PIP4K2A: variants seen among roughly 807,000 people sequenced by gnomAD.
The protein encoded by PIP4K2A is phosphatidylinositol-5-phosphate 4-kinase type 2 alpha, also known as phosphatidylinositol 5-phosphate 4-kinase type-2 alpha.
A neutral mutation model predicts 42.9 loss-of-function variants in PIP4K2A; 14 were observed. The ratio of observed to expected loss-of-function variants is 0.33; its 90% confidence interval spans 0.22 to 0.51. The LOEUF (loss-of-function observed/expected upper bound fraction) is 0.51. Among genes scored for constraint, PIP4K2A ranks in the 20% least tolerant of loss-of-function variants. The probability of loss-of-function intolerance (pLI) is 0.97; values close to 1 mark genes in which losing one functional copy is unlikely to be tolerated. For synonymous variants in PIP4K2A, 192 were observed against 192.2 expected, an observed-to-expected ratio of 1.00 and a Z score of 0.01; for missense variants, 434 against 519.8, an observed-to-expected ratio of 0.83 and a Z score of 1.61.
intron 1 of PIP4K2A, among the ~76,000 whole-genome samples, chr10:22,686,627 ATTAG>A (rs1258204714): frequency 6.6e-6 from 1 of 152,102 alleles, no homozygotes; most frequent in Non-Finnish European, 1.5e-5. Context: ...ACACCAACTA[ATTAG>A]TTAAAAAAAT....
intron 1 of PIP4K2A, among the ~76,000 whole-genome samples, chr10:22,614,593 C>T (rs888881885): frequency 8.5e-5 from 13 of 152,166 alleles, no homozygotes; most frequent in African/African-American, 3.1e-4. Flanking sequence ...AGAGGATCTA[C>T]TACTTAAAAG....
chr10:22,597,912 C>T (rs1036132583), intron 3 of PIP4K2A, among the ~76,000 whole-genome samples: 5 of 152,206 alleles, frequency 3.3e-5, no homozygotes, highest in African/African-American at 1.2e-4. Context: ...CCCTTATCTA[C>T]CTGTCTGTCT....
chr10:22,577,703 A>T (rs1837156927), intron 4 of PIP4K2A, among the ~76,000 whole-genome samples: 1 of 152,326 alleles, frequency 6.6e-6, no homozygotes, highest in East Asian at 1.9e-4. Context: ...CTCTCCAGTC[A>T]CACTGCGACG....
At chr10:22,550,899 G>C in intron 6 of PIP4K2A, 127 bp from the exon 7 acceptor site, 1 of 656,550 alleles carries the variant, frequency 1.5e-6, no homozygotes, top group Non-Finnish European at 2.7e-6. Flanking sequence ...ACCACCACAG[G>C]GGTCTTACCC....
At chr10:22,676,472 A>G (rs891231150) in intron 1 of PIP4K2A, among the ~76,000 whole-genome samples, 1 of 152,132 alleles carries the variant, frequency 6.6e-6, no homozygotes, top group African/African-American at 2.4e-5. Context: ...CATTTAATGT[A>G]GATATGGCCA....
chr10:22,609,084 G>A (rs1181085123), intron 2 of PIP4K2A, among the ~76,000 whole-genome samples: 1 of 152,150 alleles, frequency 6.6e-6, no homozygotes, highest in South Asian at 2.1e-4. Flanking sequence ...TTGAGGGCAG[G>A]GCCGTGTCTT....
rs1837940684 is a variant in PIP4K2A at position 22,607,937 on chromosome 10, T to C, written c.329A>G (p.Gln110Arg). 6.2e-7 allele frequency: 1 copy of C among 1,610,514 alleles called. No individual in the cohort carries two copies. The highest frequency in any genetic ancestry group is 8.5e-7 in the Non-Finnish European group (1 of 1,177,084). Residue 110 changes from glutamine to arginine, a missense_variant, in exon 3 of 10, where the codon CAA (glutamine) becomes CGA (arginine). Gln to Arg is a conservative substitution (Grantham distance 43, BLOSUM62 1). This residue lies in a region of PIP4K2A where 395 missense variants were observed against 444.5 expected (regional missense o/e 0.89). Coordinates refer to ENST00000376573, the MANE Select transcript of PIP4K2A (RefSeq NM_005028.5). ...ACAAACGCAACTCACCTGGAAATCT[T>C]GATCATCAATTCCAAACCTCTCCCG... ...NLRERFGIDD[Q>R]DFQNSLTRSA...
intron 3 of PIP4K2A, among the ~76,000 whole-genome samples, chr10:22,596,205 C>CAAATAAAAAA (rs1837631108): frequency 1.4e-5 from 1 of 69,708 alleles, no homozygotes; most frequent in Non-Finnish European, 2.5e-5. Context: ...AACTCCGTCT[C>CAAATAAAAAA]AAAAAAAAAA....
At chr10:22,576,551 C>G (rs1837127663) in intron 4 of PIP4K2A, among the ~76,000 whole-genome samples, 1 of 152,186 alleles carries the variant, frequency 6.6e-6, no homozygotes, top group Non-Finnish European at 1.5e-5. Context: ...TAAGAGCCCT[C>G]CCGGTCCAGC....
chr10:22,710,501 G>A (rs879243719), intron 1 of PIP4K2A, among the ~76,000 whole-genome samples: 2 of 152,214 alleles, frequency 1.3e-5, no homozygotes, highest in Non-Finnish European at 2.9e-5. Flanking sequence ...TGGGGGAGCA[G>A]AAATGACAAA....
intron 1 of PIP4K2A, among the ~76,000 whole-genome samples, chr10:22,680,329 A>T (rs1839634531): frequency 6.6e-6 from 1 of 152,230 alleles, no homozygotes; most frequent in Non-Finnish European, 1.5e-5. Context: ...ATTAATCGTG[A>T]TTATCTTTAG....
chr10:22,617,876 T>C (rs1030740432), intron 1 of PIP4K2A, among the ~76,000 whole-genome samples: 3 of 152,172 alleles, frequency 2.0e-5, no homozygotes, highest in African/African-American at 7.2e-5. Context: ...TCTCCCAAGA[T>C]ACATTTCTAC....
At position 22,700,199 on chromosome 10, in the gene PIP4K2A, T is replaced by C. The variant is rs79341785; in HGVS notation, c.144+13984A>G. Reference sequence around the variant, plus strand: ...AGTGTACTTTGCACCTAGCTGCTGATACTTGGAGGCAGTGGCATACTCAAG... The same window carrying C: ...AGTGTACTTTGCACCTAGCTGCTGACACTTGGAGGCAGTGGCATACTCAAG... On this transcript the variant is annotated intron_variant, in intron 1 of 9. Coordinates refer to ENST00000376573, the MANE Select transcript of PIP4K2A (RefSeq NM_005028.5). 6.8e-3 allele frequency among the ~76,000 whole-genome samples: 1,037 copies of C among 152,316 alleles called. 6 individuals are homozygous for C. The highest frequency in any genetic ancestry group is 0.011 in the Admixed American group (173 of 15,306).
chr10:22,565,967 GA>G (rs1836838517), intron 6 of PIP4K2A, among the ~76,000 whole-genome samples: 2 of 152,130 alleles, frequency 1.3e-5, no homozygotes, highest in African/African-American at 4.8e-5. Flanking sequence ...CAGACCGGTT[GA>G]TCTCAAAACC....
rs150371111 is a variant in PIP4K2A, at chr10:22,545,931, C to T, written c.793-3884G>A. 7.8e-4 allele frequency among the ~76,000 whole-genome samples: 119 copies of T among 152,282 alleles called. 1 individual carries two copies. In the East Asian group the frequency reaches 0.016, roughly 20 times the overall value. On this transcript the variant is annotated intron_variant, in intron 7 of 9. Transcript: ENST00000376573. ...GTGTTGTCCAGGCTGGTCTCAAACA[C>T]CTGGCCTCAAGTGATCCTCCTGCCT...
intron 1 of PIP4K2A, among the ~76,000 whole-genome samples, chr10:22,676,605 A>G (rs1839565016): frequency 6.6e-6 from 1 of 152,184 alleles, no homozygotes; most frequent in African/African-American, 2.4e-5. Flanking sequence ...ACCAGAGGGA[A>G]TATCTGGCTC....
Position 22,677,062 on chromosome 10 carries a change from ATATTC to A in PIP4K2A, c.144+37116_144+37120del, listed in dbSNP as rs144460699. On this transcript the variant is annotated intron_variant, in intron 1 of 9. Transcript: ENST00000376573. Reference sequence around the variant, plus strand: ...TCTTTCCTGTTATACTTAGGACATTATATTCATTTTTTAAGAGCTATCATCTGTGA... The same window carrying A: ...TCTTTCCTGTTATACTTAGGACATTAATTTTTTAAGAGCTATCATCTGTGA... Among the ~76,000 whole-genome samples the A allele has an allele frequency of 7.4e-3, 1,131 of 152,318 alleles. 17 individuals carry two copies. The highest frequency in any genetic ancestry group is 0.025 in the African/African-American group (1,028 of 41,580).
intron 4 of PIP4K2A, among the ~76,000 whole-genome samples, chr10:22,587,610 C>T (rs1837427029): frequency 2.6e-5 from 4 of 152,192 alleles, no homozygotes; most frequent in African/African-American, 7.2e-5. Context: ...CCTGGGTTTA[C>T]CAATGACAGG....
intron 1 of PIP4K2A, among the ~76,000 whole-genome samples, chr10:22,648,719 G>A (rs775181685): frequency 7.9e-5 from 12 of 152,130 alleles, no homozygotes; most frequent in South Asian, 4.1e-4. Flanking sequence ...TCCTTCACAC[G>A]CTTCAAGGAA....
Sources: gnomAD v4.1 joint callset for allele counts (sites outside exome capture counted in the v4.1 genomes callset) on GRCh38, gnomAD v4.1.1 for gene constraint, gnomAD v4.1.1 regional missense constraint, MANE v1.5 for transcripts, NCBI Gene and HGNC (gene_info 2026-07-23, HGNC 2026-07-21) for gene names.